The following CTNNA3 variants were observed in gnomAD, a reference collection of about 807,000 sequenced individuals.
CTNNA3 encodes catenin alpha 3.
Under a neutral mutation model 95.7 loss-of-function variants are expected in CTNNA3, and 76 were observed. The observed-to-expected ratio is 0.79, with a 90% confidence interval of 0.66 to 0.96. The LOEUF is 0.96. CTNNA3 is among the 40% of genes least tolerant of loss of function. CTNNA3 has a pLI of 0.00. For missense variants in CTNNA3, 1,191 were observed against 1,089.8 expected, an observed-to-expected ratio of 1.09 and a Z score of -1.31; for synonymous variants, 431 against 374.4, an observed-to-expected ratio of 1.15 and a Z score of -1.74.
At chr10:66,706,681 A>C (rs1224797863) in intron 9 of CTNNA3, among the ~76,000 whole-genome samples, 1 of 152,056 alleles carries the variant, frequency 6.6e-6, no homozygotes, top group Non-Finnish European at 1.5e-5. Context: ...GTAGAAAGAT[A>C]ATCCTTTACC....
intron 9 of CTNNA3, among the ~76,000 whole-genome samples, chr10:66,687,987 G>C (rs1847365511): frequency 1.3e-5 from 2 of 152,102 alleles, no homozygotes; most frequent in African/African-American, 4.8e-5. Context: ...AAGGAAGAGA[G>C]ATTGTGTCAA....
intron 13 of CTNNA3, among the ~76,000 whole-genome samples, chr10:66,115,334 T>C (rs1217534522): frequency 2.6e-5 from 4 of 152,208 alleles, no homozygotes. Context: ...CCAGGTCCCA[T>C]GCTATTTCCC....
At chr10:67,043,244 C>T (rs1185225402) in intron 7 of CTNNA3, among the ~76,000 whole-genome samples, 1 of 151,440 alleles carries the variant, frequency 6.6e-6, no homozygotes, top group Non-Finnish European at 1.5e-5. Context: ...GGCAACATCC[C>T]ACAGATGATG....
chr10:66,831,879 C>T (rs1447644550), intron 7 of CTNNA3, among the ~76,000 whole-genome samples: 3 of 152,048 alleles, frequency 2.0e-5, no homozygotes, highest in Admixed American at 6.6e-5. Flanking sequence ...CAATTTAAGA[C>T]ATAGTTCAAG....
intron 7 of CTNNA3, among the ~76,000 whole-genome samples, chr10:67,004,793 T>A (rs1228065372): frequency 6.6e-6 from 1 of 152,230 alleles, no homozygotes; most frequent in African/African-American, 2.4e-5. Flanking sequence ...TTTGGGGAAC[T>A]CTGCAAGTTT....
At chr10:66,886,602 C>G (rs1042502540) in intron 7 of CTNNA3, among the ~76,000 whole-genome samples, 1 of 152,158 alleles carries the variant, frequency 6.6e-6, no homozygotes, top group Non-Finnish European at 1.5e-5. Context: ...CCAGGACCAT[C>G]TAATTCACTG....
intron 7 of CTNNA3, among the ~76,000 whole-genome samples, chr10:66,932,024 AG>A (rs1003193265): frequency 2.0e-5 from 3 of 152,152 alleles, no homozygotes; most frequent in Non-Finnish European, 2.9e-5. Context: ...GTGTCAAAGG[AG>A]GGGGGCCTCC....
chr10:66,233,896 G>T (rs2089721832), intron 13 of CTNNA3, among the ~76,000 whole-genome samples: 1 of 152,132 alleles, frequency 6.6e-6, no homozygotes, highest in African/African-American at 2.4e-5. Context: ...TAAAAACTTA[G>T]AATGCTTTTC....
At chr10:66,386,931 G>A (rs1458025112) in intron 11 of CTNNA3, among the ~76,000 whole-genome samples, 3 of 152,080 alleles carry the variant, frequency 2.0e-5, no homozygotes, top group East Asian at 3.9e-4. Flanking sequence ...CTTACACCTT[G>A]TACAAAAATT....
intron 10 of CTNNA3, among the ~76,000 whole-genome samples, chr10:66,601,596 A>G (rs1478521689): frequency 1.3e-5 from 2 of 151,844 alleles, no homozygotes; most frequent in East Asian, 3.9e-4. Flanking sequence ...TGTTATACTA[A>G]CCATCTGTAA....
intron 12 of CTNNA3, among the ~76,000 whole-genome samples, chr10:66,322,708 C>G (rs974223445): frequency 1.3e-5 from 2 of 152,040 alleles, no homozygotes; most frequent in African/African-American, 2.4e-5. Flanking sequence ...TTGGGAAGAA[C>G]AAGAATCCTG....
chr10:66,168,073 T>A (rs2085229128), intron 13 of CTNNA3, among the ~76,000 whole-genome samples: 1 of 152,200 alleles, frequency 6.6e-6, no homozygotes, highest in African/African-American at 2.4e-5. Context: ...CCAGAGTCAC[T>A]TTGCTTAAGG....
rs1167678121 is a variant in CTNNA3, at chr10:67,652,672, A to G, written c.-5-5154T>C. 3.3e-5 allele frequency among the ~76,000 whole-genome samples: 5 copies of G among 152,130 alleles called. No homozygotes were observed. In the East Asian group the frequency reaches 9.7e-4, roughly 29 times the overall value. The stretch of plus-strand genomic sequence containing the variant: ...GAGATATCATACATAATACCAGAAC[A>G]TATGGATTTATATATTTAATACGAA... On this transcript the variant is annotated intron_variant, in intron 1 of 17. Coordinates refer to ENST00000433211, the MANE Select transcript of CTNNA3 (RefSeq NM_013266.4).
chr10:66,027,973 A>G (rs2079374413), intron 15 of CTNNA3, among the ~76,000 whole-genome samples: 1 of 152,192 alleles, frequency 6.6e-6, no homozygotes, highest in Non-Finnish European at 1.5e-5. Flanking sequence ...TAAAGGACAG[A>G]TTCATCCTAC....
chr10:67,191,716 T>G (rs769568757), intron 6 of CTNNA3, among the ~76,000 whole-genome samples: 1 of 151,906 alleles, frequency 6.6e-6, no homozygotes, highest in Admixed American at 6.6e-5. Flanking sequence ...GTCAAAATTC[T>G]AACAGTATTC....
chr10:67,406,930 C>G (rs1466727824), intron 5 of CTNNA3, among the ~76,000 whole-genome samples: 3 of 152,184 alleles, frequency 2.0e-5, no homozygotes, highest in Non-Finnish European at 4.4e-5. Context: ...TAATGAATAG[C>G]CTATCAACCA....
At chr10:66,695,511 T>G (rs1171916477) in intron 9 of CTNNA3, among the ~76,000 whole-genome samples, 1 of 152,136 alleles carries the variant, frequency 6.6e-6, no homozygotes, top group African/African-American at 2.4e-5. Context: ...GCTAGCACAA[T>G]GTGTAGAATC....
intron 10 of CTNNA3, among the ~76,000 whole-genome samples, chr10:66,547,758 T>A (rs1277759058): frequency 1.3e-5 from 2 of 152,182 alleles, no homozygotes; most frequent in Non-Finnish European, 2.9e-5. Context: ...TTGCAAGCTT[T>A]AAAATATTTG....
rs557012660 is a variant in CTNNA3, at chr10:66,140,288, C to G, written c.1885-37039G>C. Reference sequence around the variant, plus strand: ...CCCCTTCAAGGAGATTAATTAATCCCTCCTCCTTTCAATTCTTTCCAGATG... The same window carrying G: ...CCCCTTCAAGGAGATTAATTAATCCGTCCTCCTTTCAATTCTTTCCAGATG... On this transcript the variant is annotated intron_variant, in intron 13 of 17. Coordinates refer to ENST00000433211, the MANE Select transcript of CTNNA3 (RefSeq NM_013266.4). 2.0e-5 allele frequency among the ~76,000 whole-genome samples: 3 copies of G among 152,258 alleles called. 1 individual carries two copies. The highest frequency in any genetic ancestry group is 7.2e-5 in the African/African-American group (3 of 41,564).
Sources: allele counts gnomAD v4.1 joint callset (sites outside exome capture counted in the v4.1 genomes callset), GRCh38; gene constraint gnomAD v4.1.1; transcripts MANE v1.5; gene names NCBI Gene and HGNC (gene_info 2026-07-23, HGNC 2026-07-21).